Variants in PYM1 observed in about 807,000 individuals in gnomAD.
PYM1 encodes PYM1 exon junction complex associated factor, also known as partner of Y14 and mago.
In PYM1, 7 loss-of-function variants were observed where a neutral mutation model predicts 20.7. The observed-to-expected ratio is 0.34, with a 90% CI of 0.19 to 0.64. The LOEUF is 0.64. Among genes scored for constraint, PYM1 ranks in the 30% least tolerant of loss-of-function variants. PYM1 has a pLI of 0.74. For missense variants in PYM1, 194 were observed against 250.0 expected (o/e 0.78, Z 1.51); for synonymous variants, 100 against 99.2 (o/e 1.01, Z -0.05).
chr12:55,912,106 T>C (rs1464980417), intron 1 of PYM1, among the ~76,000 whole-genome samples: 1 of 151,792 alleles, frequency 6.6e-6, no homozygotes, highest in African/African-American at 2.4e-5. Context: ...GCCAACACTT[T>C]GGGAAGCCGA....
In PYM1 at chr12:55,901,452, TAA is replaced by T. The variant is rs77650250; in HGVS notation, c.*418_*419del. 69 of 143,708 alleles carry T rather than the reference TAA, an allele frequency of 4.8e-4. No homozygotes were observed. Among genetic ancestry groups the T allele is most frequent in the Middle Eastern group, 3.5e-3 (1 of 282 alleles). 8.9% of individuals were successfully genotyped at this position (143,708 alleles called of 1,614,324 possible). A position where few individuals can be genotyped will look rare whatever the true frequency, so the allele number is the denominator to read the frequency against. The stretch of plus-strand genomic sequence containing the variant: ...TGTTTATTCTCATTTTTGCTTTTTT[TAA>T]AAAAAAAAAAAAAATGAGGGATGGA... On this transcript the variant is annotated 3_prime_UTR_variant, in exon 3 of 3. Transcript: ENST00000408946.
intron 1 of PYM1, among the ~76,000 whole-genome samples, chr12:55,912,405 T>C (rs1882939391): frequency 1.3e-5 from 2 of 151,748 alleles, no homozygotes; most frequent in African/African-American, 4.8e-5. Flanking sequence ...ATTGGGGTGA[T>C]AAGATAACTT....
chr12:55,924,198 A>G (rs1413975002), intron 1 of PYM1, among the ~76,000 whole-genome samples: 1 of 152,190 alleles, frequency 6.6e-6, no homozygotes, highest in Non-Finnish European at 1.5e-5. Context: ...GATTTGAGGT[A>G]TAACAGTATA....
At chr12:55,909,914 G>A (rs145851058) in intron 1 of PYM1, among the ~76,000 whole-genome samples, 25 of 152,230 alleles carry the variant, frequency 1.6e-4, no homozygotes, top group African/African-American at 3.1e-4. Flanking sequence ...AATAAATAGC[G>A]AAAGGTCAGG....
chr12:55,909,910 T>C (rs751837013), intron 1 of PYM1, among the ~76,000 whole-genome samples: 30 of 152,102 alleles, frequency 2.0e-4, no homozygotes, highest in Non-Finnish European at 1.3e-4. Flanking sequence ...TATCAATAAA[T>C]AGCGAAAGGT....
chr12:55,923,164 C>T (rs909209327), intron 1 of PYM1, among the ~76,000 whole-genome samples: 3 of 152,054 alleles, frequency 2.0e-5, no homozygotes, highest in Non-Finnish European at 4.4e-5. Context: ...GCAGAGGTTG[C>T]GGTGAGCTGA....
chr12:55,910,594 T>C (rs1363994308), intron 1 of PYM1, among the ~76,000 whole-genome samples: 1 of 152,008 alleles, frequency 6.6e-6, no homozygotes, highest in African/African-American at 2.4e-5. Flanking sequence ...AGGAGCCCAC[T>C]ACCACGCCCA....
chr12:55,925,317 G>A (rs1883170131), intron 1 of PYM1, among the ~76,000 whole-genome samples: 1 of 152,232 alleles, frequency 6.6e-6, no homozygotes, highest in Admixed American at 6.5e-5. Flanking sequence ...ACAAAAAGCT[G>A]ATCCTGTGGG....
At chr12:55,918,351 C>T (rs1185016806) in intron 1 of PYM1, among the ~76,000 whole-genome samples, 2 of 152,106 alleles carry the variant, frequency 1.3e-5, no homozygotes, top group African/African-American at 4.8e-5. Context: ...CCGCCCGCTT[C>T]GGCCTCCCAA....
At chr12:55,911,269 C>T (rs372199554) in intron 1 of PYM1, among the ~76,000 whole-genome samples, 14 of 151,854 alleles carry the variant, frequency 9.2e-5, no homozygotes, top group African/African-American at 2.9e-4. Flanking sequence ...CCACCACGTC[C>T]GGCTAATTTT....
chr12:55,927,796 G>C lies in PYM1; in HGVS notation c.-35C>G, dbSNP rs901587272. 4 of 1,534,960 alleles carry C rather than the reference G, an allele frequency of 2.6e-6. No homozygotes were observed. The African/African-American group carries it at 4.1e-5, about 16-fold the overall frequency. On this transcript the variant is annotated 5_prime_UTR_variant, in exon 1 of 3. Coordinates refer to ENST00000408946, the MANE Select transcript of PYM1 (RefSeq NM_032345.3). Reference sequence around the variant, plus strand: ...GGCAGCGGACCAGGTTGGGCGGGCGGCCCTGGCCTGGCTCTGCCCCGCTGG... The same window carrying C: ...GGCAGCGGACCAGGTTGGGCGGGCGCCCCTGGCCTGGCTCTGCCCCGCTGG...
chr12:55,923,081 G>A (rs1358163968), intron 1 of PYM1, among the ~76,000 whole-genome samples: 2 of 151,882 alleles, frequency 1.3e-5, no homozygotes, highest in Non-Finnish European at 2.9e-5. Flanking sequence ...AAAATTAGCC[G>A]GGCATGGTGG....
Position 55,902,303 on chromosome 12 carries a change from C to A in PYM1, c.184G>T (p.Gly62Trp). Residue 62 changes from glycine to tryptophan, a missense_variant, in exon 3 of 3, where the codon GGG becomes TGG. Physicochemically the swap from Gly to Trp is radical, Grantham distance 184 (BLOSUM62 -2). This residue lies in a region of PYM1 where 158 missense variants were observed against 179.0 expected (regional missense o/e 0.88). Coordinates refer to ENST00000408946, the MANE Select transcript of PYM1 (RefSeq NM_032345.3). ...FFKSKPELPP[G>W]LSPEATAPVT... Reference sequence around the variant, plus strand: ...GGAGCAGTGGCCTCAGGGCTTAGCCCTGGGGGCAACTCTGGTTTACTCTTG... The same window carrying A: ...GGAGCAGTGGCCTCAGGGCTTAGCCATGGGGGCAACTCTGGTTTACTCTTG... 2 of 1,614,030 alleles carry A rather than the reference C, an allele frequency of 1.2e-6. No individual in the cohort carries two copies. Among genetic ancestry groups the A allele is most frequent in the East Asian group, 2.2e-5 (1 of 44,872 alleles).
intron 1 of PYM1, chr12:55,914,144 T>C (rs1882967947): frequency 1.8e-6 from 1 of 548,930 alleles, no homozygotes; most frequent in Non-Finnish European, 3.3e-6. Context: ...GTTGATTGCA[T>C]AGAGATTATA....
chr12:55,905,860 GATATATAT>G (rs201108623), intron 1 of PYM1, among the ~76,000 whole-genome samples: 2 of 34,468 alleles, frequency 5.8e-5, no homozygotes, highest in African/African-American at 2.0e-4. Flanking sequence ...TTATATATTA[GATATATAT>G]ATATCTATTA....
chr12:55,905,940 A>C (rs1343375848), intron 1 of PYM1, among the ~76,000 whole-genome samples: 1 of 125,384 alleles, frequency 8.0e-6, no homozygotes, highest in East Asian at 2.1e-4. Flanking sequence ...TCTAATAGAT[A>C]TATATATTAT....
chr12:55,926,468 T>G (rs998455624), intron 1 of PYM1, among the ~76,000 whole-genome samples: 14 of 152,180 alleles, frequency 9.2e-5, no homozygotes, highest in African/African-American at 3.4e-4. Context: ...CCCCTCAATT[T>G]CTATCACCAT....
intron 1 of PYM1, among the ~76,000 whole-genome samples, chr12:55,905,860 GATAT>G (rs201108623): frequency 2.9e-5 from 1 of 34,468 alleles, no homozygotes; most frequent in East Asian, 4.4e-4. Context: ...TTATATATTA[GATAT>G]ATATATATCT....
intron 1 of PYM1, among the ~76,000 whole-genome samples, chr12:55,926,047 C>T (rs1883181438): frequency 6.6e-6 from 1 of 152,158 alleles, no homozygotes; most frequent in Admixed American, 6.5e-5. Flanking sequence ...GAGCAAGAAG[C>T]AAAATGGCAC....
Sources: gnomAD v4.1 joint callset for allele counts (sites outside exome capture counted in the v4.1 genomes callset) on GRCh38, gnomAD v4.1.1 for gene constraint, gnomAD v4.1.1 regional missense constraint, MANE v1.5 for transcripts, NCBI Gene and HGNC (gene_info 2026-07-23, HGNC 2026-07-21) for gene names.